ZMYND11: variants seen among roughly 807,000 people sequenced by gnomAD.
ZMYND11 encodes zinc finger MYND-type containing 11, also known as zinc finger MYND domain-containing protein 11.
Under a neutral mutation model 84.9 loss-of-function variants are expected in ZMYND11, and 9 were observed. That is an observed-to-expected ratio of 0.11 (90% CI 0.06 to 0.18). ZMYND11 has a LOEUF of 0.18. ZMYND11 is among the 10% of genes least tolerant of loss of function. The pLI is 1.00. For synonymous variants in ZMYND11, 250 were observed against 244.1 expected, an observed-to-expected ratio of 1.02 and a Z score of -0.23; for missense variants, 409 against 761.0, an observed-to-expected ratio of 0.54 and a Z score of 5.44.
intron 4 of ZMYND11, among the ~76,000 whole-genome samples, chr10:229,147 G>GAA (rs1465340496): frequency 6.6e-6 from 1 of 152,180 alleles, no homozygotes; most frequent in African/African-American, 2.4e-5. Flanking sequence ...CTTTAGAGAA[G>GAA]AAAGAGTTGG....
intron 14 of ZMYND11, chr10:249,848 A>G (rs1478083882): frequency 1.1e-6 from 1 of 869,678 alleles, no homozygotes; most frequent in African/African-American, 1.8e-5. Context: ...TTTTCATGAA[A>G]GAAATATTTT....
At chr10:227,803 T>G (rs1005094761) in intron 4 of ZMYND11, among the ~76,000 whole-genome samples, 1 of 152,198 alleles carries the variant, frequency 6.6e-6, no homozygotes, top group African/African-American at 2.4e-5. Context: ...TGTGGGAAAT[T>G]TATTAATATT....
chr10:172,356 A>G (rs1241367417), intron 1 of ZMYND11, among the ~76,000 whole-genome samples: 1 of 152,264 alleles, frequency 6.6e-6, no homozygotes, highest in African/African-American at 2.4e-5. Flanking sequence ...TAGCAAATCC[A>G]AAAGAATTAA....
intron 1 of ZMYND11, among the ~76,000 whole-genome samples, chr10:165,628 A>G (rs910185662): frequency 6.6e-6 from 1 of 152,138 alleles, no homozygotes; most frequent in South Asian, 2.1e-4. Context: ...ACACCCTGGG[A>G]AAACCGGAAA....
At chr10:184,720 C>T (rs1010654691) in intron 2 of ZMYND11, among the ~76,000 whole-genome samples, 1 of 152,148 alleles carries the variant, frequency 6.6e-6, no homozygotes, top group African/African-American at 2.4e-5. Context: ...CCATAGTCCT[C>T]TCTGTTGGTC....
intron 6 of ZMYND11, among the ~76,000 whole-genome samples, chr10:238,199 A>G (rs1191459003): frequency 1.3e-5 from 2 of 152,238 alleles, no homozygotes; most frequent in Non-Finnish European, 2.9e-5. Context: ...ACAAATTGCA[A>G]CAACATCCAG....
In ZMYND11 at chr10:236,841, A is replaced by G. The variant is rs1179716050; in HGVS notation, c.442A>G (p.Ile148Val). The G allele has an allele frequency of 1.2e-6, 2 of 1,611,598 alleles. No individual in the cohort carries two copies. Among genetic ancestry groups the G allele is most frequent in the East Asian group, 4.5e-5 (2 of 44,802 alleles). ...SPWQCPVCRSIKKKNTNKQEM... is the reference protein window; with the variant it reads ...SPWQCPVCRSVKKKNTNKQEM... ...TTTATTCTTTTTTTTTCAATAGAGCATTAAGAAGAAGAATACAAACAAACA... is the reference window on the plus strand; with the variant it reads ...TTTATTCTTTTTTTTTCAATAGAGCGTTAAGAAGAAGAATACAAACAAACA... Residue 148 changes from isoleucine (I) to valine (V), a missense_variant, in exon 5 of 15, where the codon ATT becomes GTT. Ile to Val is a conservative substitution (Grantham distance 29). Coordinates refer to ENST00000381604, the MANE Select transcript of ZMYND11 (RefSeq NM_001370100.5).
At chr10:152,164 G>C (rs1457686763) in intron 1 of ZMYND11, among the ~76,000 whole-genome samples, 1 of 152,130 alleles carries the variant, frequency 6.6e-6, no homozygotes, top group Non-Finnish European at 1.5e-5. Context: ...TAACTAATAA[G>C]CAAAATAACC....
At chr10:187,443 G>A (rs929257101) in intron 2 of ZMYND11, among the ~76,000 whole-genome samples, 4 of 151,858 alleles carry the variant, frequency 2.6e-5, no homozygotes, top group Middle Eastern at 3.2e-3. Context: ...GACCATCTTG[G>A]CTAACACGGT....
intron 1 of ZMYND11, among the ~76,000 whole-genome samples, chr10:137,975 A>G (rs904883323): frequency 6.6e-6 from 1 of 152,308 alleles, no homozygotes; most frequent in Non-Finnish European, 1.5e-5. Context: ...TAAATTGGAC[A>G]ATTTATTTTT....
chr10:170,941 C>G (rs1161306447), intron 1 of ZMYND11, among the ~76,000 whole-genome samples: 2 of 152,014 alleles, frequency 1.3e-5, no homozygotes, highest in African/African-American at 4.8e-5. Flanking sequence ...TCTTGACTGC[C>G]AGAAACCCAC....
chr10:139,648 G>T (rs1554753431), intron 1 of ZMYND11, among the ~76,000 whole-genome samples: 1 of 149,672 alleles, frequency 6.7e-6, no homozygotes, highest in African/African-American at 2.5e-5. Flanking sequence ...CTGTATATCA[G>T]CCACTGTGCA....
intron 4 of ZMYND11, among the ~76,000 whole-genome samples, chr10:235,855 A>C (rs1436303551): frequency 6.6e-6 from 1 of 152,224 alleles, no homozygotes; most frequent in Non-Finnish European, 1.5e-5. Context: ...TGTTATTTAG[A>C]TATTTTATGT....
At chr10:188,486 A>T (rs1275810722) in intron 2 of ZMYND11, among the ~76,000 whole-genome samples, 1 of 151,434 alleles carries the variant, frequency 6.6e-6, no homozygotes, top group Non-Finnish European at 1.5e-5. Flanking sequence ...CCAGCTACTC[A>T]GGAGGCTGAG....
upstream of ZMYND11, chr10:134,654 G>A (rs1835470540): frequency 6.6e-6 from 1 of 152,252 alleles, no homozygotes. Flanking sequence ...GTACTTCTCA[G>A]ACTTCGCTGT....
chr10:159,604 T>C (rs1842533401), intron 1 of ZMYND11, among the ~76,000 whole-genome samples: 1 of 152,204 alleles, frequency 6.6e-6, no homozygotes, highest in Non-Finnish European at 1.5e-5. Flanking sequence ...GGGCGTATTC[T>C]GAAATTTCAG....
At chr10:204,122 C>T (rs2131163249) in intron 2 of ZMYND11, among the ~76,000 whole-genome samples, 1 of 152,134 alleles carries the variant, frequency 6.6e-6, no homozygotes, top group Non-Finnish European at 1.5e-5. Flanking sequence ...GTTTTGTTGT[C>T]CATATTTAAA....
intron 11 of ZMYND11, 32 bp downstream of exon 11, chr10:247,005 C>T: frequency 6.4e-7 from 1 of 1,551,376 alleles, no homozygotes. Flanking sequence ...AGTGCCTATT[C>T]ATTATTACTT....
intron 1 of ZMYND11, among the ~76,000 whole-genome samples, chr10:152,974 C>T (rs573465975): frequency 2.0e-5 from 3 of 152,130 alleles, no homozygotes; most frequent in Non-Finnish European, 2.9e-5. Flanking sequence ...GGGTACATAG[C>T]GAAATGAAGG....
Sources: gnomAD v4.1 joint callset for allele counts (sites outside exome capture counted in the v4.1 genomes callset) on GRCh38, gnomAD v4.1.1 for gene constraint, MANE v1.5 for transcripts, NCBI Gene and HGNC (gene_info 2026-07-23, HGNC 2026-07-21) for gene names.